Variants in BCL2 observed in about 807,000 individuals in gnomAD.
The protein encoded by BCL2 is BCL2 apoptosis regulator, also known as apoptosis regulator Bcl-2.
Under a neutral mutation model 14.2 loss-of-function variants are expected in BCL2, and 1 was observed. That is an observed-to-expected ratio of 0.07 (90% CI 0.02 to 0.33). The LOEUF is 0.33. Among genes scored for constraint, BCL2 ranks in the 10% least tolerant of loss-of-function variants. The pLI is 0.99. For synonymous variants in BCL2, 151 were observed against 137.2 expected, an observed-to-expected ratio of 1.10 and a Z score of -0.70; for missense variants, 247 against 305.9, an observed-to-expected ratio of 0.81 and a Z score of 1.44.
intron 2 of BCL2, among the ~76,000 whole-genome samples, chr18:63,203,557 G>T (rs766878537): frequency 6.6e-6 from 1 of 152,212 alleles, no homozygotes; most frequent in Non-Finnish European, 1.5e-5. Flanking sequence ...CTACTAGTAA[G>T]ATGCGATTAA....
At chr18:63,261,832 T>G (rs8089784) in intron 2 of BCL2, among the ~76,000 whole-genome samples, 5,745 of 151,594 alleles carry the variant, frequency 0.038, 168 homozygotes, top group South Asian at 0.081. Flanking sequence ...CGCTCTGGAG[T>G]GCAGTGGCAT....
intron 2 of BCL2, among the ~76,000 whole-genome samples, chr18:63,164,655 A>G (rs1443758602): frequency 6.6e-6 from 1 of 152,234 alleles, no homozygotes; most frequent in African/African-American, 2.4e-5. Flanking sequence ...CTGTTTTTCA[A>G]AAATCTGGCT....
chr18:63,276,635 C>T (rs546889050), intron 2 of BCL2, among the ~76,000 whole-genome samples: 7 of 152,370 alleles, frequency 4.6e-5, no homozygotes, highest in Non-Finnish European at 1.0e-4. Flanking sequence ...TAGAACTTTA[C>T]TAACACGTAT....
intron 2 of BCL2, among the ~76,000 whole-genome samples, chr18:63,170,234 G>C (rs918117048): frequency 2.0e-5 from 3 of 152,080 alleles, no homozygotes; most frequent in African/African-American, 7.2e-5. Context: ...ACAGTGACGG[G>C]CACATGGTAA....
intron 2 of BCL2, among the ~76,000 whole-genome samples, chr18:63,171,068 T>A (rs1915209446): frequency 6.6e-6 from 1 of 152,218 alleles, no homozygotes; most frequent in Non-Finnish European, 1.5e-5. Context: ...TTTCTTACTG[T>A]TATAATGTTT....
intron 2 of BCL2, among the ~76,000 whole-genome samples, chr18:63,296,195 A>G (rs949317637): frequency 6.6e-6 from 1 of 152,176 alleles, no homozygotes; most frequent in African/African-American, 2.4e-5. Flanking sequence ...CCATGCATAA[A>G]TTTTAGTGTA....
rs147226456 is a variant in BCL2, at chr18:63,168,606, C to T, written c.586-39847G>A. The stretch of plus-strand genomic sequence containing the variant: ...GCTGACGTCCACAGCCAGACATCCA[C>T]GAGATGCTCAAACTCAGAATGCTAT... On this transcript the variant is annotated intron_variant, in intron 2 of 2. Coordinates refer to ENST00000333681, the MANE Select transcript of BCL2 (RefSeq NM_000633.3). Among the ~76,000 whole-genome samples, 7 of 152,286 alleles carry T rather than the reference C, an allele frequency of 4.6e-5. 1 individual carries two copies. The highest frequency in any genetic ancestry group is 8.8e-5 in the Non-Finnish European group (6 of 68,022).
At chr18:63,281,739 AAAGAGAGAG>A (rs1912327066) in intron 2 of BCL2, among the ~76,000 whole-genome samples, 2 of 149,530 alleles carry the variant, frequency 1.3e-5, no homozygotes, top group African/African-American at 2.5e-5. Context: ...AAAGAAAGAA[AAAGAGAGAG>A]GAAAGAAAGA....
intron 2 of BCL2, among the ~76,000 whole-genome samples, chr18:63,217,515 G>A (rs1050580677): frequency 6.6e-6 from 1 of 152,270 alleles, no homozygotes; most frequent in Non-Finnish European, 1.5e-5. Flanking sequence ...GGTAAGCAAC[G>A]TTCTCCTTCC....
At chr18:63,184,125 C>T (rs1175118188) in intron 2 of BCL2, among the ~76,000 whole-genome samples, 1 of 152,254 alleles carries the variant, frequency 6.6e-6, no homozygotes, top group African/African-American at 2.4e-5. Flanking sequence ...AGCAGGGACT[C>T]ATCGGCTGCT....
At chr18:63,147,012 C>CA (rs1177746439) in intron 2 of BCL2, among the ~76,000 whole-genome samples, 5 of 152,224 alleles carry the variant, frequency 3.3e-5, no homozygotes, top group Admixed American at 3.3e-4. Context: ...CAATGGAACA[C>CA]ATCCTTTGGA....
intron 2 of BCL2, among the ~76,000 whole-genome samples, chr18:63,305,550 A>G (rs957493280): frequency 6.6e-6 from 1 of 152,170 alleles, no homozygotes; most frequent in Non-Finnish European, 1.5e-5. Context: ...GGGCCAACAG[A>G]TATGGAATTT....
At chr18:63,134,618 T>C (rs898856735) in intron 2 of BCL2, among the ~76,000 whole-genome samples, 3 of 152,186 alleles carry the variant, frequency 2.0e-5, no homozygotes, top group Non-Finnish European at 2.9e-5. Flanking sequence ...GTCTTTGAGC[T>C]GACTATGCAT....
At chr18:63,155,605 G>A (rs1914758236) in intron 2 of BCL2, among the ~76,000 whole-genome samples, 6 of 152,180 alleles carry the variant, frequency 3.9e-5, no homozygotes, top group Admixed American at 3.9e-4. Flanking sequence ...CCCCCTGTTG[G>A]CTTGGGAGGG....
chr18:63,274,276 T>TG (rs1912085769), intron 2 of BCL2, among the ~76,000 whole-genome samples: 3 of 133,266 alleles, frequency 2.3e-5, no homozygotes, highest in South Asian at 2.5e-4. Context: ...ATAAAGATAC[T>TG]CTTTTTTTTT....
intron 2 of BCL2, among the ~76,000 whole-genome samples, chr18:63,130,868 T>C (rs1568211343): frequency 6.6e-6 from 1 of 152,184 alleles, no homozygotes; most frequent in Non-Finnish European, 1.5e-5. Context: ...GGGCTTGCCT[T>C]GAGCCATCCT....
chr18:63,135,512 C>G (rs1300938813), intron 2 of BCL2, among the ~76,000 whole-genome samples: 2 of 152,220 alleles, frequency 1.3e-5, no homozygotes, highest in Admixed American at 6.5e-5. Context: ...ACATCTTCCT[C>G]ACCTTTTGGC....
At chr18:63,319,032 A>G (rs1913609117) in intron 1 of BCL2, 80 bp from the exon 2 acceptor site, 1 of 1,130,868 alleles carries the variant, frequency 8.8e-7, no homozygotes, top group Admixed American at 4.8e-5. Context: ...AAAGCAGGGC[A>G]TACACACTAC....
chr18:63,234,377 A>G (rs895157312), intron 2 of BCL2, among the ~76,000 whole-genome samples: 1 of 152,194 alleles, frequency 6.6e-6, no homozygotes, highest in African/African-American at 2.4e-5. Flanking sequence ...TGCTGAGGAT[A>G]ATGGCTTCCA....
Sources: gnomAD v4.1 joint callset for allele counts (sites outside exome capture counted in the v4.1 genomes callset) on GRCh38, gnomAD v4.1.1 for gene constraint, MANE v1.5 for transcripts, NCBI Gene and HGNC (gene_info 2026-07-23, HGNC 2026-07-21) for gene names.